Variants in THSD7B observed in about 807,000 individuals in gnomAD.
THSD7B encodes thrombospondin type-1 domain-containing protein 7B.
THSD7B carries 138 observed loss-of-function variants against 213.6 expected under a neutral mutation model. The observed-to-expected ratio is 0.65, with a 90% CI of 0.56 to 0.74. The LOEUF is 0.74. Among genes scored for constraint, THSD7B ranks in the 30% least tolerant of loss-of-function variants. The pLI is 0.00. For synonymous variants in THSD7B, 742 were observed against 687.0 expected (o/e 1.08, Z -1.25); for missense variants, 1,931 against 1,991.5 (o/e 0.97, Z 0.58).
chr2:137,448,399 T>A (rs1687582323), intron 14 of THSD7B, among the ~76,000 whole-genome samples: 1 of 152,100 alleles, frequency 6.6e-6, no homozygotes, highest in South Asian at 2.1e-4. Flanking sequence ...GAGCAAAGGC[T>A]CGTGGAGAAG....
At chr2:137,610,199 T>C (rs1362894299) in intron 17 of THSD7B, among the ~76,000 whole-genome samples, 1 of 152,066 alleles carries the variant, frequency 6.6e-6, no homozygotes, top group African/African-American at 2.4e-5. Context: ...AACCCCGAAG[T>C]AGATTTTTCT....
rs146993040 is a variant in THSD7B, at chr2:136,874,534, T to C, written c.-35-7610T>C. Among the ~76,000 whole-genome samples, 1,220 of 152,352 alleles carry C rather than the reference T, an allele frequency of 8.0e-3. 13 individuals carry two copies. Among genetic ancestry groups the C allele is most frequent in the African/African-American group, 0.028 (1,147 of 41,576 alleles). Reference sequence around the variant, plus strand: ...TTTCTCCCACTCATTGCTGTTTCTTTAGGCTGAAAGCAAATTGAAACTATT... The same window carrying C: ...TTTCTCCCACTCATTGCTGTTTCTTCAGGCTGAAAGCAAATTGAAACTATT... On this transcript the variant is annotated intron_variant, in intron 1 of 27. Coordinates refer to ENST00000409968, the MANE Select transcript of THSD7B (RefSeq NM_001316349.2).
intron 1 of THSD7B, among the ~76,000 whole-genome samples, chr2:136,774,512 TA>T (rs1210998531): frequency 2.0e-5 from 3 of 152,180 alleles, no homozygotes; most frequent in Middle Eastern, 3.4e-3. Flanking sequence ...GTGCAACATA[TA>T]AAAAAAGTCC....
chr2:136,817,385 T>C (rs1306920461), intron 1 of THSD7B, among the ~76,000 whole-genome samples: 1 of 146,496 alleles, frequency 6.8e-6, no homozygotes, highest in Non-Finnish European at 1.5e-5. Context: ...CATTTGTCAA[T>C]TTTGTCTTTT....
intron 12 of THSD7B, among the ~76,000 whole-genome samples, chr2:137,349,824 G>A (rs1684967228): frequency 6.6e-6 from 1 of 151,744 alleles, no homozygotes; most frequent in Non-Finnish European, 1.5e-5. Flanking sequence ...ATAACAACAT[G>A]AGAACTAACA....
At chr2:136,852,166 G>A (rs1269696898) in intron 1 of THSD7B, among the ~76,000 whole-genome samples, 1 of 151,992 alleles carries the variant, frequency 6.6e-6, no homozygotes, top group Non-Finnish European at 1.5e-5. Flanking sequence ...TGACAGAAGA[G>A]TAATGCAGAA....
chr2:137,133,090 C>T (rs1162429990), intron 5 of THSD7B, among the ~76,000 whole-genome samples: 3 of 151,966 alleles, frequency 2.0e-5, no homozygotes, highest in Admixed American at 2.0e-4. Context: ...TGGTTACTGT[C>T]TATTTAAAAA....
At chr2:137,234,036 G>A (rs1237528353) in intron 9 of THSD7B, among the ~76,000 whole-genome samples, 4 of 152,160 alleles carry the variant, frequency 2.6e-5, no homozygotes, top group Non-Finnish European at 1.5e-5. Context: ...TTCAAGCTGG[G>A]AGAATGAAAC....
chr2:137,089,383 A>ATAT, intron 3 of THSD7B, among the ~76,000 whole-genome samples: 1 of 111,074 alleles, frequency 9.0e-6, no homozygotes, highest in African/African-American at 4.2e-5. Context: ...TATATATACT[A>ATAT]GTGTGTATAT....
chr2:137,310,368 A>G (rs1348801128), intron 12 of THSD7B, among the ~76,000 whole-genome samples: 1 of 139,988 alleles, frequency 7.1e-6, no homozygotes, highest in African/African-American at 2.7e-5. Context: ...TTTTTCTTGT[A>G]AATTTGTTTG....
intron 1 of THSD7B, among the ~76,000 whole-genome samples, chr2:136,786,204 T>C (rs1681844686): frequency 6.6e-6 from 1 of 152,148 alleles, no homozygotes; most frequent in Non-Finnish European, 1.5e-5. Context: ...GAGATAACTA[T>C]TTTAACACTT....
At chr2:136,976,911 G>A (rs1471546264) in intron 2 of THSD7B, among the ~76,000 whole-genome samples, 5 of 152,042 alleles carry the variant, frequency 3.3e-5, no homozygotes, top group South Asian at 2.1e-4. Context: ...GTGAGCCACC[G>A]CGCCTGGCTG....
chr2:137,575,924 ATTAC>A (rs144372004), intron 17 of THSD7B, among the ~76,000 whole-genome samples: 3,355 of 152,040 alleles, frequency 0.022, 118 homozygotes, highest in African/African-American at 0.077. Context: ...TTCGTAGTTC[ATTAC>A]TTACCACCCA....
chr2:137,572,483 C>T lies in THSD7B; in HGVS notation c.3350C>T (p.Thr1117Ile). The part of the protein sequence containing the change: ...LCNQDEIPPE[T>I]QSCSLMCPNE... ...AACCAGGATGAAATTCCCCCAGAAA[C>T]CCAGTCCTGTTCTCTTATGTGTCCC... is the stretch of plus-strand genomic sequence containing the variant. Residue 1117 changes from threonine (T) to isoleucine (I), a missense_variant, in exon 17 of 28, where the codon ACC becomes ATC. Physicochemically the swap from Thr to Ile is moderately conservative, Grantham distance 89. Transcript: ENST00000409968. 1 of 1,613,902 alleles carries T rather than the reference C, an allele frequency of 6.2e-7. No individual in the cohort carries two copies. Among genetic ancestry groups the T allele is most frequent in the Non-Finnish European group, 8.5e-7 (1 of 1,179,850 alleles).
chr2:136,918,876 C>T (rs1179214651), intron 2 of THSD7B, among the ~76,000 whole-genome samples: 2 of 152,166 alleles, frequency 1.3e-5, no homozygotes, highest in African/African-American at 4.8e-5. Flanking sequence ...CTATATCGTA[C>T]CATTCTCCTG....
At chr2:137,465,159 T>C (rs1486776880) in intron 15 of THSD7B, among the ~76,000 whole-genome samples, 1 of 151,902 alleles carries the variant, frequency 6.6e-6, no homozygotes, top group East Asian at 1.9e-4. Flanking sequence ...TGCTACCAAG[T>C]ATAGTTTTGT....
At chr2:137,301,073 A>G (rs1683589232) in intron 12 of THSD7B, among the ~76,000 whole-genome samples, 1 of 152,150 alleles carries the variant, frequency 6.6e-6, no homozygotes, top group East Asian at 1.9e-4. Context: ...CTTTTATTGT[A>G]ATCCATAAAG....
At chr2:137,215,204 T>C (rs1270929606) in intron 7 of THSD7B, among the ~76,000 whole-genome samples, 2 of 152,202 alleles carry the variant, frequency 1.3e-5, no homozygotes, top group Admixed American at 6.5e-5. Flanking sequence ...CTCTTTTTCA[T>C]GTTTGTTGGC....
chr2:137,295,767 C>T (rs1016272711), intron 12 of THSD7B, among the ~76,000 whole-genome samples: 4 of 152,058 alleles, frequency 2.6e-5, no homozygotes, highest in African/African-American at 7.2e-5. Context: ...AGCCACCACA[C>T]CCGGCCAAAA....
Sources: allele counts gnomAD v4.1 joint callset (sites outside exome capture counted in the v4.1 genomes callset), GRCh38; gene constraint gnomAD v4.1.1; transcripts MANE v1.5; gene names NCBI Gene and HGNC (gene_info 2026-07-23, HGNC 2026-07-21).